RHOT1: variants seen among roughly 807,000 people sequenced by gnomAD.
RHOT1 encodes the protein ras homolog family member T1.
Under a neutral mutation model 95.3 loss-of-function variants are expected in RHOT1, and 27 were observed. That is an observed-to-expected ratio of 0.28 (90% CI 0.21 to 0.39). The LOEUF is 0.39. Among genes scored for constraint, RHOT1 ranks in the 10% least tolerant of loss-of-function variants. RHOT1 has a pLI of 1.00. For missense variants in RHOT1, 578 were observed against 786.7 expected, an observed-to-expected ratio of 0.73 and a Z score of 3.17; for synonymous variants, 227 against 263.5, an observed-to-expected ratio of 0.86 and a Z score of 1.34.
rs546710407 is a variant in RHOT1, at chr17:32,178,172, C to T, written c.329+1959C>T. On this transcript the variant is annotated intron_variant, in intron 6 of 19. Coordinates refer to ENST00000545287, the MANE Select transcript of RHOT1 (RefSeq NM_001033566.3). ...GCTAGGCCACTCCCAAATTCCTGGC[C>T]GGAAGAAACTACATGAAATAATAAA... Among the ~76,000 whole-genome samples, 7 of 151,630 alleles carry T rather than the reference C, an allele frequency of 4.6e-5. No individual in the cohort carries two copies. The East Asian group carries it at 5.9e-4, about 13-fold the overall frequency.
intron 19 of RHOT1, among the ~76,000 whole-genome samples, chr17:32,214,894 CTTTTTTTTTT>C (rs551151153): frequency 9.5e-5 from 5 of 52,836 alleles, no homozygotes; most frequent in East Asian, 6.0e-4. Flanking sequence ...AAAGGCTTGT[CTTTTTTTTTT>C]TTTTTTTTTT....
At chr17:32,199,233 T>C (rs1368872339) in intron 12 of RHOT1, among the ~76,000 whole-genome samples, 172 bp from the exon 13 acceptor site, 1 of 152,238 alleles carries the variant, frequency 6.6e-6, no homozygotes, top group African/African-American at 2.4e-5. Flanking sequence ...TCTAATAGAC[T>C]CTCTTATAGG....
At chr17:32,224,543 G>T in intron 19 of RHOT1, 73 bp from the exon 20 acceptor site, 2 of 1,020,590 alleles carry the variant, frequency 2.0e-6, no homozygotes, top group South Asian at 1.5e-5. Context: ...CCTAAAAGTA[G>T]ACTGCTAAAT....
intron 8 of RHOT1, among the ~76,000 whole-genome samples, chr17:32,191,513 T>C (rs2036486551): frequency 6.6e-6 from 1 of 152,172 alleles, no homozygotes; most frequent in Non-Finnish European, 1.5e-5. Flanking sequence ...GTGGGCCTTA[T>C]TTTAAAATAG....
Position 32,193,176 on chromosome 17 carries a change from A to T in RHOT1, c.680A>T (p.Glu227Val). The T allele has an allele frequency of 6.2e-7, 1 of 1,613,598 alleles. No homozygotes were observed. Among genetic ancestry groups the T allele is most frequent in the Non-Finnish European group, 8.5e-7 (1 of 1,179,716 alleles). ...ACTCCATTAGCTCCTCAAGCTCTGGAGGATGTCAAGAATGTAGTCAGAAAA... is the reference window on the plus strand; with the variant it reads ...ACTCCATTAGCTCCTCAAGCTCTGGTGGATGTCAAGAATGTAGTCAGAAAA... ...FNTPLAPQAL[E>V]DVKNVVRKHI... Residue 227 changes from glutamate to valine, a missense_variant, in exon 10 of 20, where the codon GAG becomes GTG. Physicochemically the swap from Glu to Val is moderately radical, Grantham distance 121. This residue lies in a region of RHOT1 where 227 missense variants were observed against 316.0 expected (regional missense o/e 0.72). Transcript: ENST00000545287.
intron 11 of RHOT1, among the ~76,000 whole-genome samples, chr17:32,195,562 A>T (rs1249610117): frequency 6.6e-6 from 1 of 152,148 alleles, no homozygotes; most frequent in East Asian, 1.9e-4. Flanking sequence ...ACTTCCCAGG[A>T]TCTGGCCTCA....
chr17:32,176,582 ATTTATTTT>A (rs1044691303), intron 6 of RHOT1, among the ~76,000 whole-genome samples: 24 of 147,246 alleles, frequency 1.6e-4, no homozygotes, highest in African/African-American at 6.3e-4. Flanking sequence ...TTATTTATTT[ATTTATTTT>A]GAGACAGAGT....
chr17:32,175,944 T>G lies in RHOT1; in HGVS notation c.223-18T>G. 1 of 1,498,668 alleles carries G rather than the reference T, an allele frequency of 6.7e-7. No homozygotes were observed. The highest frequency in any genetic ancestry group is 9.0e-7 in the Non-Finnish European group (1 of 1,113,054). The allele number at this position is 1,498,668 out of a possible 1,614,324, so 92.8% of individuals were successfully genotyped here. ...TTATTATTTTTAGATACGATTAATT[T>G]GTTAATTTTTCTTCTAGGCTAATGT... On this transcript the variant is annotated intron_variant, in intron 4 of 19. Coordinates refer to ENST00000545287, the MANE Select transcript of RHOT1 (RefSeq NM_001033566.3).
chr17:32,210,130 T>C (rs76855867), intron 18 of RHOT1, among the ~76,000 whole-genome samples: 1,572 of 152,236 alleles, frequency 0.01, 16 homozygotes, highest in Non-Finnish European at 0.018. Flanking sequence ...GCCAGTCTTT[T>C]GACTGAGAAG....
At chr17:32,208,358 C>T (rs752035858) in intron 18 of RHOT1, 49 bp downstream of exon 18, 1 of 1,494,152 alleles carries the variant, frequency 6.7e-7, no homozygotes, top group Non-Finnish European at 9.3e-7. Flanking sequence ...CATAACATTG[C>T]ATGCCATTAT....
chr17:32,182,123 T>C (rs1228417041), intron 6 of RHOT1, among the ~76,000 whole-genome samples: 1 of 152,220 alleles, frequency 6.6e-6, no homozygotes, highest in Non-Finnish European at 1.5e-5. Flanking sequence ...TCCCCCTATT[T>C]ATTTCCTGCA....
chr17:32,167,558 C>T (rs945210556), intron 1 of RHOT1, among the ~76,000 whole-genome samples: 15 of 152,126 alleles, frequency 9.9e-5, no homozygotes, highest in African/African-American at 3.6e-4. Flanking sequence ...CCATGCCCGG[C>T]CAGATTGAGC....
chr17:32,145,016 G>T (rs1173220525), intron 1 of RHOT1, among the ~76,000 whole-genome samples: 1 of 151,872 alleles, frequency 6.6e-6, no homozygotes, highest in East Asian at 1.9e-4. Context: ...ATTTTTAATG[G>T]CTGGGCACAG....
Position 32,199,422 on chromosome 17 carries a change from G to A in RHOT1, c.972G>A (p.Leu324=). The A allele has an allele frequency of 6.2e-7, 1 of 1,612,564 alleles. No individual in the cohort carries two copies. The highest frequency in any genetic ancestry group is 1.1e-5 in the South Asian group (1 of 90,762). ...TTCTTCAGGATAGAGACTGTGCTTT[G>A]TCACCTGATGAGCTTAAAGATTTAT... The part of the protein sequence containing the change: ...DKHDLDRDCA[L]SPDELKDLFK... Residue 324 remains leucine, a synonymous_variant, in exon 13 of 20, where the codon TTG becomes TTA. Transcript: ENST00000545287.
chr17:32,216,487 A>G (rs115784737), intron 19 of RHOT1, among the ~76,000 whole-genome samples: 1 of 152,298 alleles, frequency 6.6e-6, no homozygotes, highest in African/African-American at 2.4e-5. Flanking sequence ...TATTTTGACA[A>G]CCAAGTGCAT....
At chr17:32,189,738 T>TTTC (rs2036339118) in intron 8 of RHOT1, among the ~76,000 whole-genome samples, 1 of 144,488 alleles carries the variant, frequency 6.9e-6, no homozygotes, top group African/African-American at 2.5e-5. Context: ...TTTCTTTTCT[T>TTTC]TTTTTTTTTT....
chr17:32,157,609 G>A (rs1046832721), intron 1 of RHOT1, among the ~76,000 whole-genome samples: 3 of 152,122 alleles, frequency 2.0e-5, no homozygotes, highest in Non-Finnish European at 4.4e-5. Context: ...TTCAAGACCA[G>A]CCTGGCCAAC....
intron 1 of RHOT1, chr17:32,151,604 C>G: frequency 3.4e-6 from 1 of 290,432 alleles, no homozygotes; most frequent in Non-Finnish European, 6.8e-6. Flanking sequence ...AAATCATGGC[C>G]CGGAGCAGTG....
chr17:32,182,950 T>G, intron 7 of RHOT1, 85 bp downstream of exon 7: 1 of 899,158 alleles, frequency 1.1e-6, no homozygotes, highest in Non-Finnish European at 1.7e-6. Context: ...CAATGTGGGA[T>G]GGAATAAATT....
Sources: allele counts gnomAD v4.1 joint callset (sites outside exome capture counted in the v4.1 genomes callset), GRCh38; gene constraint gnomAD v4.1.1; regional missense constraint gnomAD v4.1.1; transcripts MANE v1.5; gene names NCBI Gene and HGNC (gene_info 2026-07-23, HGNC 2026-07-21).